FRYL: variants seen among roughly 807,000 people sequenced by gnomAD.
FRYL encodes protein furry homolog-like.
FRYL carries 150 observed loss-of-function variants against 351.2 expected under a neutral mutation model. That is an observed-to-expected ratio of 0.43 (90% CI 0.37 to 0.49). The LOEUF is 0.49. Among genes scored for constraint, FRYL ranks in the 20% least tolerant of loss-of-function variants. The pLI, the probability that FRYL is intolerant of heterozygous loss-of-function variation, is 0.00. For synonymous variants in FRYL, 1,153 were observed against 1,257.1 expected, an observed-to-expected ratio of 0.92 and a Z score of 1.75; for missense variants, 3,036 against 3,619.3, an observed-to-expected ratio of 0.84 and a Z score of 4.13.
chr4:48,503,617 C>T (rs1477346081), intron 60 of FRYL, among the ~76,000 whole-genome samples: 8 of 152,182 alleles, frequency 5.3e-5, no homozygotes, highest in African/African-American at 1.7e-4. Context: ...ACTAAAACAA[C>T]AATTGTTACA....
At chr4:48,589,718 A>C in intron 18 of FRYL, 27 bp downstream of exon 18, 1 of 1,608,392 alleles carries the variant, frequency 6.2e-7, no homozygotes, top group Non-Finnish European at 8.5e-7. Context: ...CTGAAATAGC[A>C]ATGAAGGCAC....
At chr4:48,506,997 T>C (rs755294081) in intron 59 of FRYL, among the ~76,000 whole-genome samples, 4 of 152,192 alleles carry the variant, frequency 2.6e-5, no homozygotes, top group Non-Finnish European at 5.9e-5. Flanking sequence ...CAAAATGCAG[T>C]TGACATCTAA....
intron 2 of FRYL, among the ~76,000 whole-genome samples, chr4:48,704,812 G>T (rs1767133355): frequency 6.6e-6 from 1 of 152,182 alleles, no homozygotes; most frequent in African/African-American, 2.4e-5. Context: ...AGCTGGGCAT[G>T]GTGGCAGGCA....
At chr4:48,511,119 T>C (rs562925953) in intron 57 of FRYL, 135 bp from the exon 58 acceptor site, 25 of 537,024 alleles carry the variant, frequency 4.7e-5, no homozygotes, top group African/African-American at 4.4e-4. Context: ...CATTGATCTA[T>C]AAATCCATAT....
chr4:48,669,329 C>T (rs770187317), intron 3 of FRYL, among the ~76,000 whole-genome samples: 5 of 152,048 alleles, frequency 3.3e-5, no homozygotes, highest in Non-Finnish European at 5.9e-5. Context: ...GGGAGCCCTA[C>T]GGTGTGCCTC....
intron 1 of FRYL, among the ~76,000 whole-genome samples, chr4:48,729,779 GGA>G (rs1770522207): frequency 6.6e-6 from 1 of 152,118 alleles, no homozygotes; most frequent in South Asian, 2.1e-4. Context: ...CCACAAAGAT[GGA>G]GAGAAGCCAC....
At chr4:48,759,110 T>A (rs1052299151) in intron 1 of FRYL, among the ~76,000 whole-genome samples, 1 of 152,062 alleles carries the variant, frequency 6.6e-6, no homozygotes, top group African/African-American at 2.4e-5. Context: ...GAGAATAGCA[T>A]TAGGAGATAT....
rs188251480 is a variant in FRYL, at chr4:48,758,361, A to G, written c.-384+21717T>C. ...CAAAGGGCTAATATCCAGAATCTAC[A>G]AAGAACTCAAACAAATTTACAAGAA... On this transcript the variant is annotated intron_variant, in intron 1 of 63. Transcript: ENST00000358350. Among the ~76,000 whole-genome samples the G allele has an allele frequency of 4.4e-3, 664 of 152,336 alleles. 8 individuals carry two copies. Among genetic ancestry groups the G allele is most frequent in the African/African-American group, 0.014 (599 of 41,574 alleles).
At chr4:48,544,522 T>C (rs1382097682) in intron 43 of FRYL, among the ~76,000 whole-genome samples, 1 of 152,214 alleles carries the variant, frequency 6.6e-6, no homozygotes, top group Non-Finnish European at 1.5e-5. Flanking sequence ...AATGTATTTT[T>C]TCATAATACG....
At chr4:48,695,746 C>T (rs1327515225) in intron 2 of FRYL, among the ~76,000 whole-genome samples, 1 of 152,024 alleles carries the variant, frequency 6.6e-6, no homozygotes, top group Non-Finnish European at 1.5e-5. Context: ...AACAGGCAAC[C>T]TACAGAATGG....
intron 53 of FRYL, among the ~76,000 whole-genome samples, chr4:48,525,918 G>C (rs989115679): frequency 2.0e-5 from 3 of 151,636 alleles, no homozygotes; most frequent in Non-Finnish European, 4.4e-5. Context: ...TGTATGAGCT[G>C]TATATGAGTA....
rs1236578783 is a variant in FRYL at position 48,620,638 on chromosome 4, C to A, written c.314+1G>T. ...GAAACAGTGTAAAATAAAGCACTTA[C>A]CCCTTAGACTTTGTGCTAGACCGAG... On this transcript the variant is annotated splice_donor_variant, in intron 6 of 63. Coordinates refer to ENST00000358350, the MANE Select transcript of FRYL (RefSeq NM_015030.2). LOFTEE classifies it high-confidence loss of function. The A allele has an allele frequency of 6.2e-7, 1 of 1,611,256 alleles. No homozygotes were observed. Among genetic ancestry groups the A allele is most frequent in the Admixed American group, 1.7e-5 (1 of 59,870 alleles).
intron 56 of FRYL, among the ~76,000 whole-genome samples, chr4:48,513,944 T>G (rs1245361739): frequency 6.6e-6 from 1 of 152,226 alleles, no homozygotes; most frequent in African/African-American, 2.4e-5. Context: ...AACTTGTGCA[T>G]GATTAATGAT....
chr4:48,653,849 C>A, intron 3 of FRYL: 1 of 1,287,698 alleles, frequency 7.8e-7, no homozygotes, highest in Non-Finnish European at 1.0e-6. Context: ...GAAGCAGCAG[C>A]AGCAGCGGTT....
intron 59 of FRYL, 123 bp from the exon 60 acceptor site, chr4:48,505,738 T>A (rs1720766231): frequency 6.6e-6 from 4 of 605,882 alleles, no homozygotes; most frequent in Non-Finnish European, 1.2e-5. Flanking sequence ...AGACCTAGAC[T>A]TTTATCTCCA....
At chr4:48,728,951 G>A (rs1468005735) in intron 1 of FRYL, among the ~76,000 whole-genome samples, 1 of 152,248 alleles carries the variant, frequency 6.6e-6, no homozygotes, top group East Asian at 1.9e-4. Flanking sequence ...GCGGTCAGGG[G>A]ATTTCCCTTT....
At chr4:48,635,274 T>A (rs1753994553) in intron 3 of FRYL, among the ~76,000 whole-genome samples, 2 of 152,062 alleles carry the variant, frequency 1.3e-5, no homozygotes, top group Non-Finnish European at 2.9e-5. Context: ...TTTATAAAAA[T>A]CTCTCTGGTA....
At chr4:48,554,618 C>T (rs544751544) in intron 35 of FRYL, among the ~76,000 whole-genome samples, 34 of 152,320 alleles carry the variant, frequency 2.2e-4, no homozygotes, top group African/African-American at 7.0e-4. Context: ...GGATTACAGG[C>T]GTGAGCCACA....
intron 3 of FRYL, among the ~76,000 whole-genome samples, chr4:48,658,693 G>A (rs1289458586): frequency 6.6e-6 from 1 of 151,310 alleles, no homozygotes; most frequent in Admixed American, 6.6e-5. Context: ...AGTCGAGGCC[G>A]CAGTGAGCCA....
Sources: gnomAD v4.1 joint callset for allele counts (sites outside exome capture counted in the v4.1 genomes callset) on GRCh38, gnomAD v4.1.1 for gene constraint, MANE v1.5 for transcripts, NCBI Gene and HGNC (gene_info 2026-07-23, HGNC 2026-07-21) for gene names.